CSDE1: variants seen among roughly 807,000 people sequenced by gnomAD.
The protein encoded by CSDE1 is cold shock domain-containing protein E1.
Under a neutral mutation model 89.3 loss-of-function variants are expected in CSDE1, and 17 were observed. That is an observed-to-expected ratio of 0.19 (90% CI 0.13 to 0.29). The LOEUF is 0.29. Among genes scored for constraint, CSDE1 ranks in the 10% least tolerant of loss-of-function variants. CSDE1 has a pLI of 1.00. For synonymous variants in CSDE1, 322 were observed against 332.8 expected (o/e 0.97, Z 0.35); for missense variants, 672 against 984.2 (o/e 0.68, Z 4.24).
chr1:114,751,703 A>AC (rs1025992674), intron 1 of CSDE1, among the ~76,000 whole-genome samples: 1 of 150,828 alleles, frequency 6.6e-6, no homozygotes, highest in African/African-American at 2.5e-5. Flanking sequence ...TAAAAAAAAA[A>AC]AAACAAAAAC....
chr1:114,732,818 T>C lies in CSDE1; in HGVS notation c.838-2A>G. 6.2e-7 allele frequency: 1 copy of C among 1,613,178 alleles called. No homozygotes were observed. ...GATGCGTCCTGGCAATGGGTCATTC[T>C]GATGAGAAGGAAAAACGATTTTAGC... On this transcript the variant is annotated splice_acceptor_variant, in intron 9 of 19. Coordinates refer to ENST00000358528, the MANE Select transcript of CSDE1 (RefSeq NM_001007553.3). LOFTEE classifies it high-confidence loss of function.
chr1:114,730,030 C>T (rs1184983166), intron 12 of CSDE1, among the ~76,000 whole-genome samples: 1 of 152,094 alleles, frequency 6.6e-6, no homozygotes, highest in Non-Finnish European at 1.5e-5. Context: ...TGGGTAGAGG[C>T]CAGAAATGCT....
chr1:114,746,422 A>C (rs553231386), intron 2 of CSDE1: 1 of 152,280 alleles, frequency 6.6e-6, no homozygotes, highest in African/African-American at 2.4e-5. Context: ...CCCAAATAAA[A>C]AAACTATAAC....
intron 8 of CSDE1, 45 bp from the exon 9 acceptor site, chr1:114,733,902 A>T (rs1660248927): frequency 6.2e-7 from 1 of 1,608,584 alleles, no homozygotes; most frequent in Non-Finnish European, 8.5e-7. Context: ...AGAGGAAGGA[A>T]GAATCACATA....
At chr1:114,734,579 G>C in intron 6 of CSDE1, 56 bp from the exon 7 acceptor site, 1 of 1,405,684 alleles carries the variant, frequency 7.1e-7, no homozygotes, top group Non-Finnish European at 1.0e-6. Context: ...AAAATGTATT[G>C]GCCTGCTTAG....
chr1:114,721,160 T>G (rs772390393), intron 16 of CSDE1, among the ~76,000 whole-genome samples: 3 of 152,202 alleles, frequency 2.0e-5, no homozygotes, highest in Non-Finnish European at 4.4e-5. Flanking sequence ...TAGATAAATT[T>G]GACACCCCAC....
chr1:114,733,329 C>A (rs1418504206), intron 9 of CSDE1, among the ~76,000 whole-genome samples: 3 of 151,996 alleles, frequency 2.0e-5, no homozygotes, highest in Non-Finnish European at 4.4e-5. Flanking sequence ...AGATCGAGAC[C>A]ATCCTTGCCA....
At chr1:114,723,377 A>C (rs1369275371) in intron 16 of CSDE1, among the ~76,000 whole-genome samples, 3 of 152,242 alleles carry the variant, frequency 2.0e-5, no homozygotes, top group Non-Finnish European at 2.9e-5. Context: ...GGAAAAAAGA[A>C]GAAGAAAGTA....
intron 7 of CSDE1, 125 bp from the exon 8 acceptor site, chr1:114,734,242 A>C: frequency 8.1e-7 from 1 of 1,228,464 alleles, no homozygotes; most frequent in Non-Finnish European, 1.1e-6. Flanking sequence ...GTACAACCTA[A>C]TATTATCAAT....
intron 15 of CSDE1, 57 bp downstream of exon 15, chr1:114,725,164 C>T: frequency 7.5e-7 from 1 of 1,339,534 alleles, no homozygotes; most frequent in Admixed American, 1.7e-5. Flanking sequence ...CTCTACTACT[C>T]CATCCTTTAT....
At chr1:114,751,189 G>A (rs1429947554) in intron 1 of CSDE1, among the ~76,000 whole-genome samples, 1 of 152,174 alleles carries the variant, frequency 6.6e-6, no homozygotes, top group African/African-American at 2.4e-5. Context: ...GTAAATAGAT[G>A]AGAAATGTCT....
intron 12 of CSDE1, among the ~76,000 whole-genome samples, chr1:114,729,206 C>T (rs1659967147): frequency 6.6e-6 from 1 of 152,100 alleles, no homozygotes; most frequent in Non-Finnish European, 1.5e-5. Flanking sequence ...TCACGCCATT[C>T]TCCTGCCTCA....
chr1:114,728,937 T>C (rs1334581165), intron 12 of CSDE1, among the ~76,000 whole-genome samples: 2 of 152,184 alleles, frequency 1.3e-5, no homozygotes, highest in Non-Finnish European at 2.9e-5. Context: ...GTGTGCCTAG[T>C]TCAAGGACTA....
At chr1:114,741,231 A>T (rs1660709776) in intron 2 of CSDE1, among the ~76,000 whole-genome samples, 1 of 152,218 alleles carries the variant, frequency 6.6e-6, no homozygotes, top group Admixed American at 6.5e-5. Flanking sequence ...GCTGTAAACC[A>T]GGGCTTCTCA....
chr1:114,726,901 A>C, intron 13 of CSDE1, 82 bp downstream of exon 13: 2 of 860,290 alleles, frequency 2.3e-6, no homozygotes. Flanking sequence ...AAACTTGATA[A>C]AATTTGAAGA....
Position 114,718,117 on chromosome 1 carries a change from G to C in CSDE1, c.*52C>G, listed in dbSNP as rs9724613. 11,857 of 1,596,456 alleles carry C rather than the reference G, an allele frequency of 7.4e-3. 130 individuals carry two copies. Among genetic ancestry groups the C allele is most frequent in the Middle Eastern group, 0.044 (268 of 6,040 alleles). On this transcript the variant is annotated 3_prime_UTR_variant, in exon 20 of 20. Transcript: ENST00000358528. ...GGGAGATATTCAGAACCCTTCACCA[G>C]ATTCCCCCCAACTTGATCATAGTGG... is the stretch of plus-strand genomic sequence containing the variant.
intron 7 of CSDE1, 65 bp downstream of exon 7, chr1:114,734,376 TG>T: frequency 7.4e-7 from 1 of 1,359,116 alleles, no homozygotes; most frequent in Non-Finnish European, 1.0e-6. Flanking sequence ...AAACAAAGGC[TG>T]GAGTTTGAAG....
At chr1:114,754,912 A>G (rs991650821) in intron 1 of CSDE1, among the ~76,000 whole-genome samples, 1 of 152,238 alleles carries the variant, frequency 6.6e-6, no homozygotes, top group Non-Finnish European at 1.5e-5. Flanking sequence ...CAGTGTGGGA[A>G]GATGCTGAAG....
At chr1:114,730,193 A>G (rs546901444) in intron 12 of CSDE1, 65 bp downstream of exon 12, 14 of 1,536,896 alleles carry the variant, frequency 9.1e-6, no homozygotes, top group Non-Finnish European at 1.2e-5. Context: ...CTCTATTACT[A>G]TGTGCTGTTA....
Sources: allele counts gnomAD v4.1 joint callset (sites outside exome capture counted in the v4.1 genomes callset), GRCh38; gene constraint gnomAD v4.1.1; transcripts MANE v1.5; gene names NCBI Gene and HGNC (gene_info 2026-07-23, HGNC 2026-07-21).